The following COBL variants were observed in gnomAD, a reference collection of about 807,000 sequenced individuals.
COBL encodes protein cordon-bleu.
In COBL, 51 loss-of-function variants were observed where a neutral mutation model predicts 98.8. The observed-to-expected ratio is 0.52, with a 90% CI of 0.41 to 0.65. The LOEUF is 0.65. Among genes scored for constraint, COBL ranks in the 30% least tolerant of loss-of-function variants. COBL has a pLI of 0.00. For missense variants in COBL, 1,617 were observed against 1,617.5 expected, an observed-to-expected ratio of 1.00 and a Z score of 0.01; for synonymous variants, 634 against 651.7, an observed-to-expected ratio of 0.97 and a Z score of 0.41.
intron 1 of COBL, chr7:51,259,724 C>T: frequency 2.7e-6 from 2 of 741,150 alleles, no homozygotes; most frequent in East Asian, 4.9e-5. Flanking sequence ...AATGAGTTCC[C>T]AGGCAGACTT....
intron 5 of COBL, among the ~76,000 whole-genome samples, chr7:51,175,869 G>A (rs1562997570): frequency 6.6e-6 from 1 of 152,196 alleles, no homozygotes; most frequent in Non-Finnish European, 1.5e-5. Context: ...AGAGACAGCA[G>A]TGCCAGGGAA....
intron 7 of COBL, among the ~76,000 whole-genome samples, chr7:51,078,367 C>T (rs184410579): frequency 8.7e-4 from 132 of 152,278 alleles, no homozygotes; most frequent in Non-Finnish European, 7.4e-5. Context: ...ACCCATTGCT[C>T]CCAGCCTTAG....
At position 51,045,112 on chromosome 7, in the gene COBL, C is replaced by T. The variant is rs370466396; in HGVS notation, c.1097-1420G>A. Among the ~76,000 whole-genome samples the T allele has an allele frequency of 7.0e-4, 107 of 152,316 alleles. 1 individual carries two copies. The highest frequency in any genetic ancestry group is 2.4e-3 in the African/African-American group (98 of 41,566). On this transcript the variant is annotated intron_variant, in intron 7 of 12. Coordinates refer to ENST00000265136, the MANE Select transcript of COBL (RefSeq NM_015198.5). ...GTTCAAGACAAATATTGAGAAGAAA[C>T]GTCGCTGTAGCTCCCTGTTTCCCAT...
chr7:51,026,808 G>C lies in COBL; in HGVS notation c.3385-143C>G, dbSNP rs537558633. On this transcript the variant is annotated intron_variant, in intron 10 of 12. Coordinates refer to ENST00000265136, the MANE Select transcript of COBL (RefSeq NM_015198.5). ...ATCTACTCGGGAGGCTGTGGCACCAGAATTGTTTGAACCCGGGAGGCAGAG... is the reference window on the plus strand; with the variant it reads ...ATCTACTCGGGAGGCTGTGGCACCACAATTGTTTGAACCCGGGAGGCAGAG... The C allele has an allele frequency of 8.5e-6, 9 of 1,054,884 alleles. No homozygotes were observed. In the African/African-American group the frequency reaches 1.4e-4, roughly 17 times the overall value. 65.3% of individuals were successfully genotyped at this position (1,054,884 alleles called of 1,614,324 possible). A position where few individuals can be genotyped will look rare whatever the true frequency, so the allele number is the denominator to read the frequency against.
intron 5 of COBL, among the ~76,000 whole-genome samples, chr7:51,143,482 T>G (rs1327480585): frequency 6.6e-6 from 1 of 152,120 alleles, no homozygotes; most frequent in Non-Finnish European, 1.5e-5. Flanking sequence ...GATAAATGGA[T>G]TTCTCCAAAC....
rs1381143281 is a variant in COBL at position 51,275,541 on chromosome 7, C to T, written c.41+41052G>A. On this transcript the variant is annotated intron_variant, in intron 1 of 12. Transcript: ENST00000265136. ...ATGCAGAGCAGGTCTGGGGGGAATT[C>T]TCCCCTGGGTCTCTCTCAAGGCACC... is the stretch of plus-strand genomic sequence containing the variant. 1.3e-5 allele frequency among the ~76,000 whole-genome samples: 2 copies of T among 152,116 alleles called. 1 individual carries two copies. Among genetic ancestry groups the T allele is most frequent in the Non-Finnish European group, 2.9e-5 (2 of 68,024 alleles).
rs371270944 is a variant in COBL at position 51,142,432 on chromosome 7, G to A, written c.784-6101C>T. The stretch of plus-strand genomic sequence containing the variant: ...TGAGACAGAATCTGTCACCCAGGCC[G>A]GAGTGCAATGGTGTGGTCTGGGCTC... On this transcript the variant is annotated intron_variant, in intron 5 of 12. Transcript: ENST00000265136. 2.0e-4 allele frequency among the ~76,000 whole-genome samples: 29 copies of A among 147,168 alleles called. No individual in the cohort carries two copies. The East Asian group carries it at 3.7e-3, about 19-fold the overall frequency.
At chr7:51,074,898 T>C (rs1792913766) in intron 7 of COBL, among the ~76,000 whole-genome samples, 1 of 152,228 alleles carries the variant, frequency 6.6e-6, no homozygotes, top group Non-Finnish European at 1.5e-5. Flanking sequence ...AATAATAAAA[T>C]GCATAATACT....
At chr7:51,040,375 G>A (rs1014670286) in intron 8 of COBL, among the ~76,000 whole-genome samples, 3 of 152,086 alleles carry the variant, frequency 2.0e-5, no homozygotes, top group Admixed American at 1.3e-4. Context: ...GGGACTCAAA[G>A]AGCATCTTCA....
intron 7 of COBL, among the ~76,000 whole-genome samples, chr7:51,080,146 G>C (rs1203400239): frequency 6.6e-6 from 1 of 152,186 alleles, no homozygotes; most frequent in Non-Finnish European, 1.5e-5. Context: ...GGTCAGGGAG[G>C]AGACAGGGGA....
At position 51,206,870 on chromosome 7, in the gene COBL, T is replaced by C. The variant is rs561863156; in HGVS notation, c.245+12871A>G. 4.6e-5 allele frequency among the ~76,000 whole-genome samples: 7 copies of C among 152,220 alleles called. No individual in the cohort carries two copies. The South Asian group carries it at 6.2e-4, about 14-fold the overall frequency. ...AAGAGTGGTTGCAGGGGCTGGGCAA[T>C]AGGGAGGTGGTCAAAGACACACAGT... is the stretch of plus-strand genomic sequence containing the variant. On this transcript the variant is annotated intron_variant, in intron 2 of 12. Transcript: ENST00000265136.
intron 1 of COBL, among the ~76,000 whole-genome samples, chr7:51,269,589 C>T (rs2129161554): frequency 6.6e-6 from 1 of 152,380 alleles, no homozygotes; most frequent in Middle Eastern, 3.4e-3. Context: ...CCACTGCTCT[C>T]CTTGCCCGTG....
chr7:51,101,667 A>G (rs544202946), intron 6 of COBL, among the ~76,000 whole-genome samples: 1 of 152,370 alleles, frequency 6.6e-6, no homozygotes, highest in African/African-American at 2.4e-5. Context: ...TTTCTCACCT[A>G]GTAAAGCACC....
chr7:51,260,837 C>G (rs1001468455), intron 1 of COBL, among the ~76,000 whole-genome samples: 2 of 152,142 alleles, frequency 1.3e-5, no homozygotes, highest in African/African-American at 4.8e-5. Context: ...GTGGCAGAAA[C>G]CCTCAGAGGA....
At chr7:51,158,746 G>T (rs1233890369) in intron 5 of COBL, among the ~76,000 whole-genome samples, 2 of 152,180 alleles carry the variant, frequency 1.3e-5, no homozygotes, top group Non-Finnish European at 2.9e-5. Flanking sequence ...CATTCCTAAT[G>T]AAATGAAATC....
At chr7:51,291,876 T>C (rs1210212001) in intron 1 of COBL, among the ~76,000 whole-genome samples, 1 of 151,862 alleles carries the variant, frequency 6.6e-6, no homozygotes, top group African/African-American at 2.4e-5. Flanking sequence ...AAATAAGAAG[T>C]GGGGCCAGGC....
At chr7:51,017,792 G>A (rs1273035344) in intron 12 of COBL, among the ~76,000 whole-genome samples, 1 of 152,164 alleles carries the variant, frequency 6.6e-6, no homozygotes, top group East Asian at 1.9e-4. Context: ...AGGACGACTA[G>A]CAGGATGCAG....
At chr7:51,309,879 A>T (rs763183197) in intron 1 of COBL, among the ~76,000 whole-genome samples, 18 of 152,174 alleles carry the variant, frequency 1.2e-4, no homozygotes, top group Non-Finnish European at 2.4e-4. Flanking sequence ...AGGTTTTCGG[A>T]CAGGGGAGGG....
At chr7:51,213,052 T>G (rs1376561930) in intron 2 of COBL, among the ~76,000 whole-genome samples, 3 of 152,244 alleles carry the variant, frequency 2.0e-5, no homozygotes, top group African/African-American at 7.2e-5. Context: ...TTAATTTGCA[T>G]GAACTGTCAA....
Sources: gnomAD v4.1 joint callset for allele counts (sites outside exome capture counted in the v4.1 genomes callset) on GRCh38, gnomAD v4.1.1 for gene constraint, MANE v1.5 for transcripts, NCBI Gene and HGNC (gene_info 2026-07-23, HGNC 2026-07-21) for gene names.